Variants in EBF2 observed in about 807,000 individuals in gnomAD.
EBF2 encodes the protein transcription factor COE2.
Under a neutral mutation model 72.8 loss-of-function variants are expected in EBF2, and 21 were observed. That is an observed-to-expected ratio of 0.29 (90% CI 0.20 to 0.42). The LOEUF (loss-of-function observed/expected upper bound fraction) is 0.42, where lower values mean the gene tolerates loss of function less well. Ranked by LOEUF, EBF2 falls within the 10% of genes least tolerant of loss-of-function variation. The pLI, the probability that EBF2 is intolerant of heterozygous loss-of-function variation, is 1.00. For synonymous variants in EBF2, 299 were observed against 274.2 expected (o/e 1.09, Z -0.89); for missense variants, 637 against 731.2 (o/e 0.87, Z 1.49).
chr8:25,914,659 C>G (rs1430468635), intron 6 of EBF2, among the ~76,000 whole-genome samples: 1 of 152,146 alleles, frequency 6.6e-6, no homozygotes, highest in Non-Finnish European at 1.5e-5. Context: ...GCACAAAAGC[C>G]CAAGAAGATT....
intron 5 of EBF2, among the ~76,000 whole-genome samples, chr8:26,037,332 C>A (rs555462315): frequency 6.6e-6 from 1 of 152,146 alleles, no homozygotes; most frequent in African/African-American, 2.4e-5. Context: ...CTCCAGCTCA[C>A]GACAAGCGAG....
chr8:25,987,081 A>G (rs1804473495), intron 6 of EBF2, among the ~76,000 whole-genome samples: 1 of 152,226 alleles, frequency 6.6e-6, no homozygotes, highest in East Asian at 1.9e-4. Context: ...CATCTTTCTC[A>G]TAAAAGCAGA....
At chr8:25,968,855 G>T (rs912749313) in intron 6 of EBF2, among the ~76,000 whole-genome samples, 1 of 152,154 alleles carries the variant, frequency 6.6e-6, no homozygotes, top group Non-Finnish European at 1.5e-5. Flanking sequence ...ACCGTGCCCC[G>T]CAGAGTGTCA....
intron 6 of EBF2, among the ~76,000 whole-genome samples, chr8:25,987,272 A>T (rs1189702366): frequency 1.3e-5 from 2 of 152,356 alleles, no homozygotes; most frequent in Middle Eastern, 3.4e-3. Context: ...AAAATAAAAC[A>T]TGTATTGAGA....
intron 6 of EBF2, among the ~76,000 whole-genome samples, chr8:26,011,552 G>A (rs372296542): frequency 3.3e-5 from 5 of 151,824 alleles, no homozygotes; most frequent in African/African-American, 9.7e-5. Context: ...GCTGCAACCA[G>A]GACCATGCCA....
At chr8:25,930,767 T>C (rs1233166272) in intron 6 of EBF2, among the ~76,000 whole-genome samples, 3 of 152,132 alleles carry the variant, frequency 2.0e-5, no homozygotes, top group African/African-American at 7.2e-5. Flanking sequence ...ACCTGTACAT[T>C]TGAGGATGAA....
rs1801769689 is a variant in EBF2 at position 25,843,313 on chromosome 8, G to A, written c.*1296C>T. On this transcript the variant is annotated 3_prime_UTR_variant, in exon 16 of 16. Coordinates refer to ENST00000520164, the MANE Select transcript of EBF2 (RefSeq NM_022659.4). ...AGTGGCATAGCTATGTTTTTCAAGAGAGTTTAATGCCATAAAAGGGGAAAT... is the reference window on the plus strand; with the variant it reads ...AGTGGCATAGCTATGTTTTTCAAGAAAGTTTAATGCCATAAAAGGGGAAAT... 2.0e-5 allele frequency: 3 copies of A among 152,202 alleles called. No individual in the cohort carries two copies. In the South Asian group the frequency reaches 6.2e-4, roughly 32 times the overall value. The allele number at this position is 152,202 out of a possible 1,614,324, so 9.4% of individuals were successfully genotyped here. A position where few individuals can be genotyped will look rare whatever the true frequency, so the allele number is the denominator to read the frequency against.
chr8:25,966,162 C>T (rs1804111788), intron 6 of EBF2, among the ~76,000 whole-genome samples: 1 of 152,236 alleles, frequency 6.6e-6, no homozygotes, highest in African/African-American at 2.4e-5. Context: ...AGGCCTGAGG[C>T]TTTAGAGACA....
intron 6 of EBF2, among the ~76,000 whole-genome samples, chr8:25,999,348 T>C (rs1804684878): frequency 6.6e-6 from 1 of 152,132 alleles, no homozygotes; most frequent in Non-Finnish European, 1.5e-5. Context: ...AAATAAATAT[T>C]ATTTTTAAAA....
intron 7 of EBF2, among the ~76,000 whole-genome samples, chr8:25,894,613 A>T (rs1438578002): frequency 6.6e-6 from 1 of 152,170 alleles, no homozygotes; most frequent in East Asian, 1.9e-4. Context: ...TGCAGGCCAC[A>T]GCAGCTTAAT....
chr8:25,862,839 A>G, intron 10 of EBF2, 42 bp from the exon 11 acceptor site: 3 of 1,472,676 alleles, frequency 2.0e-6, no homozygotes, highest in South Asian at 1.3e-5. Flanking sequence ...TATCCTGGCT[A>G]TAAAGCAAAC....
At position 26,043,445 on chromosome 8, in the gene EBF2, G is replaced by A. The variant is rs547118492; in HGVS notation, c.132-1194C>T. 4.6e-3 allele frequency among the ~76,000 whole-genome samples: 706 copies of A among 152,368 alleles called. 3 individuals are homozygous for A. Among genetic ancestry groups the A allele is most frequent in the African/African-American group, 0.016 (667 of 41,592 alleles). ...GGCGTCTTTAAGGAGCCCAGCTAAGGAAATGCGCGGCACAGTTGGCTCTGC... is the reference window on the plus strand; with the variant it reads ...GGCGTCTTTAAGGAGCCCAGCTAAGAAAATGCGCGGCACAGTTGGCTCTGC... On this transcript the variant is annotated intron_variant, in intron 1 of 15. Transcript: ENST00000520164.
At chr8:25,859,741 A>G (rs1210704972) in intron 13 of EBF2, among the ~76,000 whole-genome samples, 1 of 145,418 alleles carries the variant, frequency 6.9e-6, no homozygotes, top group African/African-American at 2.6e-5. Context: ...TTTTGAGACA[A>G]GATCTCACTC....
intron 6 of EBF2, among the ~76,000 whole-genome samples, chr8:25,912,736 C>T (rs1585193237): frequency 6.6e-6 from 1 of 152,094 alleles, no homozygotes; most frequent in Non-Finnish European, 1.5e-5. Flanking sequence ...CCCCAAGGAT[C>T]CCCCGACCAA....
At chr8:25,941,537 G>A (rs548089232) in intron 6 of EBF2, among the ~76,000 whole-genome samples, 19 of 152,174 alleles carry the variant, frequency 1.2e-4, no homozygotes, top group East Asian at 1.2e-3. Flanking sequence ...CATCTTTCCC[G>A]TCTGACTCTT....
intron 6 of EBF2, among the ~76,000 whole-genome samples, chr8:25,923,113 A>G (rs60219260): frequency 9.5e-4 from 145 of 152,286 alleles, no homozygotes; most frequent in African/African-American, 3.2e-3. Context: ...CATGGGAAAG[A>G]GACAGCCACA....
chr8:26,010,993 AC>A (rs1385404579), intron 6 of EBF2, among the ~76,000 whole-genome samples: 1 of 7,844 alleles, frequency 1.3e-4, no homozygotes, highest in Non-Finnish European at 2.4e-4. Context: ...GTGCATACAC[AC>A]ACACACACAC....
intron 6 of EBF2, among the ~76,000 whole-genome samples, chr8:26,005,957 A>G (rs1006125707): frequency 2.6e-5 from 4 of 152,198 alleles, no homozygotes; most frequent in Non-Finnish European, 4.4e-5. Context: ...CAGGGCCTCC[A>G]TGCAGCATGT....
chr8:26,006,031 T>A (rs1804876349), intron 6 of EBF2, among the ~76,000 whole-genome samples: 1 of 152,028 alleles, frequency 6.6e-6, no homozygotes, highest in African/African-American at 2.4e-5. Flanking sequence ...AGAACAAACA[T>A]CCATTTTCAC....
Sources: gnomAD v4.1 joint callset for allele counts (sites outside exome capture counted in the v4.1 genomes callset) on GRCh38, gnomAD v4.1.1 for gene constraint, MANE v1.5 for transcripts, NCBI Gene and HGNC (gene_info 2026-07-23, HGNC 2026-07-21) for gene names.